INSR: variants seen among roughly 807,000 people sequenced by gnomAD.
INSR encodes IR.
Under a neutral mutation model 142.6 loss-of-function variants are expected in INSR, and 67 were observed. The ratio of observed to expected loss-of-function variants is 0.47; its 90% CI spans 0.39 to 0.58. The LOEUF is 0.58. Ranked by LOEUF, INSR falls within the 20% of genes least tolerant of loss-of-function variation. The pLI is 0.00. For synonymous variants in INSR, 756 were observed against 743.1 expected (o/e 1.02, Z -0.28); for missense variants, 1,248 against 1,833.2 (o/e 0.68, Z 5.83).
At chr19:7,256,063 A>G (rs1235541492) in intron 2 of INSR, among the ~76,000 whole-genome samples, 2 of 152,252 alleles carry the variant, frequency 1.3e-5, no homozygotes, top group Non-Finnish European at 2.9e-5. Context: ...ACAAAATCCA[A>G]TCATCTCCAA....
intron 1 of INSR, among the ~76,000 whole-genome samples, chr19:7,293,289 G>A (rs1316847633): frequency 6.6e-6 from 1 of 152,224 alleles, no homozygotes; most frequent in Non-Finnish European, 1.5e-5. Flanking sequence ...ATCCAAGGTA[G>A]TTGGGTAGAG....
At chr19:7,172,190 G>T in intron 5 of INSR, 100 bp downstream of exon 5, 1 of 1,274,368 alleles carries the variant, frequency 7.8e-7, no homozygotes, top group Non-Finnish European at 1.1e-6. Flanking sequence ...GGGATTACAG[G>T]CATCAGCCAC....
At chr19:7,287,123 T>G (rs1968363682) in intron 1 of INSR, among the ~76,000 whole-genome samples, 1 of 151,822 alleles carries the variant, frequency 6.6e-6, no homozygotes. Flanking sequence ...GTGCTGGGAT[T>G]GCAGGCATGA....
chr19:7,153,551 T>G (rs938576751), intron 9 of INSR, among the ~76,000 whole-genome samples: 21 of 147,206 alleles, frequency 1.4e-4, no homozygotes, highest in Non-Finnish European at 2.4e-4. Context: ...AGCCTAGATT[T>G]GAGCTCCGCT....
At chr19:7,153,414 C>A (rs1403517569) in intron 9 of INSR, among the ~76,000 whole-genome samples, 2 of 49,158 alleles carry the variant, frequency 4.1e-5, no homozygotes, top group Non-Finnish European at 1.0e-4. Context: ...ACACACTTCA[C>A]ACACACCACA....
intron 1 of INSR, among the ~76,000 whole-genome samples, chr19:7,291,368 C>T (rs1038656912): frequency 6.6e-6 from 1 of 152,204 alleles, no homozygotes; most frequent in African/African-American, 2.4e-5. Context: ...TGGGGTTTTG[C>T]CGTGAGGATT....
intron 1 of INSR, among the ~76,000 whole-genome samples, chr19:7,283,882 C>A (rs57910242): frequency 0.034 from 5,200 of 152,214 alleles, 305 homozygotes; most frequent in African/African-American, 0.12. Context: ...GGCCACAACA[C>A]ATTTATCCAT....
rs12610686 is a variant in INSR, at chr19:7,216,193, G to A, written c.653-31556C>T. Among the ~76,000 whole-genome samples the A allele has an allele frequency of 0.88, 133,807 of 152,058 alleles. 59,081 individuals are homozygous for A. The highest frequency in any genetic ancestry group is 0.96 in the South Asian group (4,603 of 4,816). On this transcript the variant is annotated intron_variant, in intron 2 of 21. Transcript: ENST00000302850. This position sits in a 1 kb window ranked among gnomAD's most constrained non-coding sequence, Gnocchi z 4.2. The stretch of plus-strand genomic sequence containing the variant: ...CAAAAAATTAGCCAGGTGTGGTGGC[G>A]TGCACCTGTAATCCCAGCTACTTGG...
chr19:7,182,802 G>T (rs1264389398), intron 3 of INSR, among the ~76,000 whole-genome samples: 1 of 149,456 alleles, frequency 6.7e-6, no homozygotes, highest in Non-Finnish European at 1.5e-5. Context: ...CAAACATCTT[G>T]CCAGAAGATA....
At chr19:7,163,232 A>G (rs1300671169) in intron 8 of INSR, 33 bp from the exon 9 acceptor site, 1 of 1,593,128 alleles carries the variant, frequency 6.3e-7, no homozygotes, top group South Asian at 1.1e-5. Context: ...GTCCATCATG[A>G]GAAACAGTGT....
rs1973473797 is a variant in INSR, at chr19:7,153,299, ACACCACACAAATCACACACAC to A, written c.2030-393_2030-373del. ...ACACACCACACCACACACCGCACACACACCACACAAATCACACACACACCACACACACCCACGCCACACACC... is the reference window on the plus strand; with the variant it reads ...ACACACCACACCACACACCGCACACAACCACACACACCCACGCCACACACC... On this transcript the variant is annotated intron_variant, in intron 9 of 21. Coordinates refer to ENST00000302850, the MANE Select transcript of INSR (RefSeq NM_000208.4). Among the ~76,000 whole-genome samples, 2 of 123,726 alleles carry A rather than the reference ACACCACACAAATCACACACAC, an allele frequency of 1.6e-5. 1 individual carries two copies. The highest frequency in any genetic ancestry group is 3.6e-5 in the Non-Finnish European group (2 of 55,746). The allele number at this position is 123,726 out of a possible 152,430, so 81.2% of individuals were successfully genotyped here.
chr19:7,244,350 T>C (rs866235270), intron 2 of INSR, among the ~76,000 whole-genome samples: 1 of 152,132 alleles, frequency 6.6e-6, no homozygotes, highest in African/African-American at 2.4e-5. Flanking sequence ...CTGGCCAACA[T>C]GGTGAAACCC....
Position 7,184,210 on chromosome 19 carries a change from C to T in INSR, c.974+106G>A. ...TGAGAGCAGAGACCTCACTCATAGC[C>T]AATTAACCCTGGGTTTGCACACAGT... On this transcript the variant is annotated intron_variant, in intron 3 of 21. Coordinates refer to ENST00000302850, the MANE Select transcript of INSR (RefSeq NM_000208.4). The T allele has an allele frequency of 3.0e-6, 3 of 1,005,108 alleles. No homozygotes were observed. The South Asian group carries it at 4.1e-5, about 14-fold the overall frequency. The allele number at this position is 1,005,108 out of a possible 1,614,324, so 62.3% of individuals were successfully genotyped here. A position where few individuals can be genotyped will look rare whatever the true frequency, so the allele number is the denominator to read the frequency against.
intron 11 of INSR, among the ~76,000 whole-genome samples, chr19:7,149,430 C>T: frequency 6.6e-6 from 1 of 152,194 alleles, no homozygotes; most frequent in Non-Finnish European, 1.5e-5. Context: ...CCAAAAGCCA[C>T]GACAGGTAAA....
chr19:7,125,554 C>G lies in INSR; in HGVS notation c.3014-27G>C, dbSNP rs1972626342. 1 of 1,610,856 alleles carries G rather than the reference C, an allele frequency of 6.2e-7. No homozygotes were observed. The highest frequency in any genetic ancestry group is 1.7e-5 in the Admixed American group (1 of 60,018). ...TACTTCTTACTTATCTACACAGCAT[C>G]CTTGGAGGATCCCTTGGGGGTCTGC... On this transcript the variant is annotated intron_variant, in intron 16 of 21. Coordinates refer to ENST00000302850, the MANE Select transcript of INSR (RefSeq NM_000208.4). This position sits in a 1 kb window ranked among gnomAD's most constrained non-coding sequence, Gnocchi z 4.9.
rs56012021 is a variant in INSR at position 7,267,379 on chromosome 19, G to A, written c.618C>T (p.Val206=). 2,478 of 1,614,130 alleles carry A rather than the reference G, an allele frequency of 1.5e-3. 23 individuals are homozygous for A. The African/African-American group carries it at 0.017, about 11-fold the overall frequency. The change falls in exon 2 of 22, where the codon GTC becomes GTT. Residue 206 remains valine, a synonymous_variant. Transcript: ENST00000302850. The surrounding 1 kb of genome is among the most constrained non-coding windows in gnomAD (Gnocchi z 6.3). ...AGTGACTATGAGTCCAACATCGTTC[G>A]ACAAACTGCCCGTTGATGACGGTGG... ...CPATVINGQF[V]ERCWTHSHCQ... is the part of the protein sequence containing the mutation.
intron 4 of INSR, 52 bp downstream of exon 4, chr19:7,174,531 G>C: frequency 1.2e-6 from 2 of 1,606,146 alleles, no homozygotes; most frequent in South Asian, 1.1e-5. Flanking sequence ...TCACAGCTCA[G>C]AGGGACATGG....
intron 1 of INSR, chr19:7,268,713 T>C (rs1176561235): frequency 2.1e-6 from 1 of 466,574 alleles, no homozygotes; most frequent in Non-Finnish European, 2.8e-6. Context: ...AGTGCTGCAC[T>C]AATGTCAGCT....
chr19:7,125,168 G>T lies in INSR; in HGVS notation c.3258+115C>A. The T allele has an allele frequency of 8.0e-7, 1 of 1,253,020 alleles. No homozygotes were observed. The highest frequency in any genetic ancestry group is 1.1e-6 in the Non-Finnish European group (1 of 873,846). 77.6% of individuals were successfully genotyped at this position (1,253,020 alleles called of 1,614,324 possible). A position where few individuals can be genotyped will look rare whatever the true frequency, so the allele number is the denominator to read the frequency against. On this transcript the variant is annotated intron_variant, in intron 17 of 21. Coordinates refer to ENST00000302850, the MANE Select transcript of INSR (RefSeq NM_000208.4). The surrounding 1 kb of genome is among the most constrained non-coding windows in gnomAD (Gnocchi z 4.9). ...TCTAGGATGGGAAGCTTAGTGGAGTGAGGGGTGGGTAGGAGGTTACACCCT... is the reference window on the plus strand; with the variant it reads ...TCTAGGATGGGAAGCTTAGTGGAGTTAGGGGTGGGTAGGAGGTTACACCCT...
Sources: allele counts gnomAD v4.1 joint callset (sites outside exome capture counted in the v4.1 genomes callset), GRCh38; gene constraint gnomAD v4.1.1; non-coding constraint Gnocchi (gnomAD v3.1); transcripts MANE v1.5; gene names NCBI Gene and HGNC (gene_info 2026-07-23, HGNC 2026-07-21).